Variants in CRAMP1 observed in about 807,000 individuals in gnomAD.
CRAMP1 encodes protein cramped-like.
A neutral mutation model predicts 115.4 loss-of-function variants in CRAMP1; 50 were observed. The observed-to-expected ratio is 0.43, with a 90% confidence interval of 0.35 to 0.55. The LOEUF is 0.55. Among genes scored for constraint, CRAMP1 ranks in the 20% least tolerant of loss-of-function variants. CRAMP1 has a pLI of 0.01. For missense variants in CRAMP1, 1,679 were observed against 1,721.7 expected, an observed-to-expected ratio of 0.98 and a Z score of 0.44; for synonymous variants, 866 against 745.4, an observed-to-expected ratio of 1.16 and a Z score of -2.64.
chr16:1,655,934 A>T lies in CRAMP1; in HGVS notation c.1177A>T (p.Lys393Ter). The T allele has an allele frequency of 6.2e-7, 1 of 1,613,078 alleles. No individual in the cohort carries two copies. Among genetic ancestry groups the T allele is most frequent in the Non-Finnish European group, 8.5e-7 (1 of 1,179,846 alleles). ...QDSCSAPMQEKVTLHLFPGEN... is the reference protein window; with the variant it reads ...QDSCSAPMQE ...CTCATGCTCCGCACCGATGCAGGAG[A>T]AGGTGACACTGCACTTGTTCCCAGG... The change falls in exon 10 of 21, where the codon AAG (lysine) becomes TAG (stop). Residue 393 changes from lysine to a stop codon, truncating the protein, a stop_gained. Coordinates refer to ENST00000397412, the MANE Select transcript of CRAMP1 (RefSeq NM_020825.4). LOFTEE classifies it high-confidence loss of function.
intron 6 of CRAMP1, among the ~76,000 whole-genome samples, chr16:1,646,777 G>C (rs2036678820): frequency 6.6e-6 from 1 of 152,186 alleles, no homozygotes; most frequent in African/African-American, 2.4e-5. Flanking sequence ...TTTTCTTCTA[G>C]AAGTTTTCTA....
Position 1,626,010 on chromosome 16 carries a change from T to C in CRAMP1, c.384T>C (p.Ser128=), listed in dbSNP as rs1294265576. 11 of 1,551,684 alleles carry C rather than the reference T, an allele frequency of 7.1e-6. No homozygotes were observed. Among genetic ancestry groups the C allele is most frequent in the East Asian group, 2.4e-5 (1 of 40,910 alleles). Residue 128 remains serine (S), a synonymous_variant, in exon 3 of 21, where the codon TCT becomes TCC. Coordinates refer to ENST00000397412, the MANE Select transcript of CRAMP1 (RefSeq NM_020825.4). ...EGGGSSSGNV[S]GVAPAAPAGG... is the part of the protein sequence containing the mutation. ...GTGGATCATCGTCTGGAAATGTGTC[T>C]GGGGTTGCCCCTGCTGCCCCTGCAG... is the stretch of plus-strand genomic sequence containing the variant.
rs28372388 is a variant in CRAMP1 at position 1,636,069 on chromosome 16, C to T, written c.695-1755C>T. 4.9e-4 allele frequency among the ~76,000 whole-genome samples: 74 copies of T among 152,240 alleles called. 1 individual carries two copies. The highest frequency in any genetic ancestry group is 1.5e-3 in the African/African-American group (63 of 41,536). ...CTTAAAGCTTTCCGAGTCATGGGCTCCTTTAAGAAAGTCTGATGAGGCCAG... is the reference window on the plus strand; with the variant it reads ...CTTAAAGCTTTCCGAGTCATGGGCTTCTTTAAGAAAGTCTGATGAGGCCAG... On this transcript the variant is annotated intron_variant, in intron 4 of 20. Transcript: ENST00000397412.
At chr16:1,620,577 T>C (rs879008025) in intron 2 of CRAMP1, 52 of 451,634 alleles carry the variant, frequency 1.2e-4, no homozygotes, top group South Asian at 7.9e-4. Flanking sequence ...GGACAGTGAA[T>C]TGATGTTAGA....
Position 1,662,541 on chromosome 16 carries a change from G to T in CRAMP1, c.2465G>T (p.Gly822Val). Reference sequence around the variant, plus strand: ...TTGGTGCCTGGTCCCTCCAGCACAGGAAGCAATGACTCAGATGGAGGCCTT... The same window carrying T: ...TTGGTGCCTGGTCCCTCCAGCACAGTAAGCAATGACTCAGATGGAGGCCTT... The part of the protein sequence containing the change: ...PLLVPGPSST[G>V]SNDSDGGLFA... The change falls in exon 12 of 21, where the codon GGA (glycine) becomes GTA (valine). Residue 822 changes from glycine (G) to valine (V), a missense_variant. Physicochemically the swap from Gly to Val is moderately radical, Grantham distance 109 (BLOSUM62 -3). This residue lies in a region of CRAMP1 where 709 missense variants were observed against 741.9 expected (regional missense o/e 0.96). Coordinates refer to ENST00000397412, the MANE Select transcript of CRAMP1 (RefSeq NM_020825.4). 6.2e-7 allele frequency: 1 copy of T among 1,613,940 alleles called. No individual in the cohort carries two copies. The highest frequency in any genetic ancestry group is 8.5e-7 in the Non-Finnish European group (1 of 1,179,868).
chr16:1,649,170 G>T (rs1044250387), intron 6 of CRAMP1, among the ~76,000 whole-genome samples: 8 of 152,188 alleles, frequency 5.3e-5, no homozygotes, highest in African/African-American at 1.9e-4. Context: ...GGGGGTGAGG[G>T]CATGGAAGTT....
chr16:1,667,994 C>T lies in CRAMP1; in HGVS notation c.3135C>T (p.Pro1045=). The stretch of plus-strand genomic sequence containing the variant: ...CTGTTCTCTCCTTATCTGAGCTGCC[C>T]AAGGCCCCTCTCCAGAATGGCCTCT... ...GSSVLSLSEL[P]KAPLQNGLSI... is the part of the protein sequence containing the mutation. Residue 1045 remains proline, a synonymous_variant, in exon 18 of 21, where the codon CCC becomes CCT. Transcript: ENST00000397412. The T allele has an allele frequency of 6.2e-7, 1 of 1,613,102 alleles. No homozygotes were observed. Among genetic ancestry groups the T allele is most frequent in the Non-Finnish European group, 8.5e-7 (1 of 1,179,494 alleles).
Position 1,668,151 on chromosome 16 carries a change from A to G in CRAMP1, c.3292A>G (p.Ser1098Gly). 1.9e-6 allele frequency: 3 copies of G among 1,613,408 alleles called. No individual in the cohort carries two copies. The South Asian group carries it at 3.3e-5, about 18-fold the overall frequency. Residue 1098 changes from serine (S) to glycine (G), a missense_variant, in exon 18 of 21, where the codon AGC (serine) becomes GGC (glycine). Physicochemically the swap from Ser to Gly is moderately conservative, Grantham distance 56. This residue lies in a region of CRAMP1 where 709 missense variants were observed against 741.9 expected (regional missense o/e 0.96). Transcript: ENST00000397412. ...LSQGEPATHI[S>G]DSIIEIAISS... ...ACAGGGCGAGCCTGCCACACACATT[A>G]GCGACTCCATCATTGAGATCGCCAT...
chr16:1,666,287 T>C lies in CRAMP1; in HGVS notation c.2857+110T>C. 2 of 1,175,396 alleles carry C rather than the reference T, an allele frequency of 1.7e-6. No individual in the cohort carries two copies. The highest frequency in any genetic ancestry group is 2.6e-5 in the East Asian group (1 of 38,928). 72.8% of individuals were successfully genotyped at this position (1,175,396 alleles called of 1,614,324 possible). A position where few individuals can be genotyped will look rare whatever the true frequency, so the allele number is the denominator to read the frequency against. On this transcript the variant is annotated intron_variant, in intron 15 of 20. Transcript: ENST00000397412. This position sits in a 1 kb window ranked among gnomAD's most constrained non-coding sequence, Gnocchi z 5.0. ...TCCAAATCATAATGTCTCATTACCC[T>C]TCACCAAGAACATCTAAGCCCTTGG...
intron 6 of CRAMP1, among the ~76,000 whole-genome samples, chr16:1,647,858 G>A (rs1196668034): frequency 2.0e-5 from 3 of 151,610 alleles, no homozygotes; most frequent in East Asian, 1.9e-4. Flanking sequence ...ATAGCCCTGT[G>A]CCGGGCCTAT....
At chr16:1,665,835 G>T (rs529631548) in intron 14 of CRAMP1, 2 of 531,138 alleles carry the variant, frequency 3.8e-6, no homozygotes, top group Non-Finnish European at 6.7e-6. Context: ...AGTGGTGACC[G>T]CAGCCTTCCA....
intron 10 of CRAMP1, among the ~76,000 whole-genome samples, chr16:1,657,944 T>C (rs1223587752): frequency 6.6e-6 from 1 of 152,160 alleles, no homozygotes; most frequent in African/African-American, 2.4e-5. Context: ...TCAGAATGTG[T>C]GTGAGGCTCA....
intron 6 of CRAMP1, among the ~76,000 whole-genome samples, chr16:1,649,710 C>T (rs1308404660): frequency 6.6e-6 from 1 of 151,086 alleles, no homozygotes; most frequent in East Asian, 2.0e-4. Flanking sequence ...AGGATGGTCT[C>T]GAGCTCCTGA....
intron 4 of CRAMP1, among the ~76,000 whole-genome samples, chr16:1,634,735 G>A (rs539449444): frequency 8.5e-5 from 13 of 152,312 alleles, no homozygotes; most frequent in Admixed American, 5.2e-4. Flanking sequence ...CCGTGCCAGC[G>A]GGCAGCGGCA....
chr16:1,647,104 G>A (rs1157114118), intron 6 of CRAMP1: 1 of 702,508 alleles, frequency 1.4e-6, no homozygotes, highest in East Asian at 2.7e-5. Flanking sequence ...GCTACCCCTG[G>A]ATTTCAGCCC....
rs778918542 is a variant in CRAMP1, at chr16:1,674,262, T to C, written c.*217T>C. The C allele has an allele frequency of 7.3e-5, 43 of 587,334 alleles. No homozygotes were observed. The highest frequency in any genetic ancestry group is 1.2e-4 in the Non-Finnish European group (39 of 330,260). The allele number at this position is 587,334 out of a possible 1,614,324, so 36.4% of individuals were successfully genotyped here. On this transcript the variant is annotated 3_prime_UTR_variant, in exon 21 of 21. Transcript: ENST00000397412. The stretch of plus-strand genomic sequence containing the variant: ...GGCAAGGGCCAGCGTTAGAAATCAC[T>C]GTGGTACTAGAGCCGTTCTTCACCA...
intron 2 of CRAMP1, among the ~76,000 whole-genome samples, chr16:1,624,641 C>T (rs998719630): frequency 3.9e-5 from 6 of 152,242 alleles, no homozygotes; most frequent in East Asian, 1.9e-4. Context: ...TGCAGTGGCG[C>T]GATCTCGGCT....
At chr16:1,636,169 G>C (rs560198726) in intron 4 of CRAMP1, among the ~76,000 whole-genome samples, 14 of 152,262 alleles carry the variant, frequency 9.2e-5, no homozygotes, top group African/African-American at 2.9e-4. Context: ...TCAAGAGTTT[G>C]AGACCAGCCT....
chr16:1,647,611 G>A (rs990865644), intron 6 of CRAMP1, among the ~76,000 whole-genome samples: 5 of 152,046 alleles, frequency 3.3e-5, no homozygotes, highest in African/African-American at 1.2e-4. Flanking sequence ...GTATGTTGGT[G>A]TATGCCTGTA....
Sources: allele counts gnomAD v4.1 joint callset (sites outside exome capture counted in the v4.1 genomes callset), GRCh38; gene constraint gnomAD v4.1.1; regional missense constraint gnomAD v4.1.1; non-coding constraint Gnocchi (gnomAD v3.1); transcripts MANE v1.5; gene names NCBI Gene and HGNC (gene_info 2026-07-23, HGNC 2026-07-21).